UBR2: variants seen among roughly 807,000 people sequenced by gnomAD.
UBR2 encodes ubiquitin protein ligase E3 component n-recognin 2, also known as E3 ubiquitin-protein ligase UBR2.
UBR2 carries 92 observed loss-of-function variants against 247.9 expected under a neutral mutation model. That is an observed-to-expected ratio of 0.37 (90% CI 0.31 to 0.44). The LOEUF (loss-of-function observed/expected upper bound fraction) is 0.44. Among genes scored for constraint, UBR2 ranks in the 20% least tolerant of loss-of-function variants. The pLI is 1.00. For missense variants in UBR2, 1,613 were observed against 2,112.6 expected (o/e 0.76, Z 4.64); for synonymous variants, 672 against 693.5 (o/e 0.97, Z 0.49).
intron 38 of UBR2, 74 bp downstream of exon 38, chr6:42,674,267 A>G: frequency 1.5e-6 from 2 of 1,355,012 alleles, no homozygotes; most frequent in Non-Finnish European, 1.0e-6. Context: ...TGAGCAGTGT[A>G]GTGGCAGACA....
chr6:42,581,106 C>T (rs1791865750), intron 2 of UBR2, among the ~76,000 whole-genome samples: 2 of 149,242 alleles, frequency 1.3e-5, no homozygotes, highest in African/African-American at 5.0e-5. Flanking sequence ...CTCAACTTCC[C>T]AGGTTCAACC....
At chr6:42,665,806 C>T (rs534375120) in intron 33 of UBR2, among the ~76,000 whole-genome samples, 2 of 152,144 alleles carry the variant, frequency 1.3e-5, no homozygotes, top group Non-Finnish European at 2.9e-5. Flanking sequence ...CTTTAGTTCT[C>T]GGTGGGCTAA....
At chr6:42,686,567 C>T (rs659154) in intron 44 of UBR2, among the ~76,000 whole-genome samples, 140,499 of 152,334 alleles carry the variant, frequency 0.92, 64,897 homozygotes, top group East Asian at 1. Context: ...ATCGTCATCA[C>T]GGCCTGTTGT....
intron 23 of UBR2, among the ~76,000 whole-genome samples, 154 bp from the exon 24 acceptor site, chr6:42,651,869 T>C (rs1254787324): frequency 1.3e-5 from 2 of 152,094 alleles, no homozygotes; most frequent in Admixed American, 6.6e-5. Context: ...CCCAGCACTT[T>C]GGGAGGTTGA....
At chr6:42,665,144 TATG>T (rs1211756455) in intron 32 of UBR2, among the ~76,000 whole-genome samples, 12 of 152,222 alleles carry the variant, frequency 7.9e-5, no homozygotes, top group Admixed American at 2.6e-4. Context: ...TGATGGTGAT[TATG>T]ATACTTAAGA....
At chr6:42,598,748 C>T (rs1793165882) in intron 4 of UBR2, among the ~76,000 whole-genome samples, 1 of 152,020 alleles carries the variant, frequency 6.6e-6, no homozygotes, top group African/African-American at 2.4e-5. Flanking sequence ...GATTGTGTTT[C>T]CTTTTGTTGA....
intron 2 of UBR2, among the ~76,000 whole-genome samples, chr6:42,579,808 G>A (rs1420105830): frequency 6.6e-6 from 1 of 152,132 alleles, no homozygotes; most frequent in Non-Finnish European, 1.5e-5. Context: ...GCACCTGGCT[G>A]GCATGTGTGA....
At chr6:42,631,860 T>TTATATATATA (rs59218885) in intron 11 of UBR2, among the ~76,000 whole-genome samples, 7 of 61,504 alleles carry the variant, frequency 1.1e-4, no homozygotes, top group Admixed American at 3.9e-4. Flanking sequence ...TACTCTGATT[T>TTATATATATA]TATATATATA....
intron 11 of UBR2, among the ~76,000 whole-genome samples, chr6:42,626,226 T>C (rs2151946864): frequency 6.6e-6 from 1 of 152,344 alleles, no homozygotes; most frequent in East Asian, 1.9e-4. Context: ...CCAATGTAAT[T>C]TCTTTATAGA....
chr6:42,623,310 G>A (rs1795119579), intron 11 of UBR2, among the ~76,000 whole-genome samples: 1 of 152,172 alleles, frequency 6.6e-6, no homozygotes, highest in South Asian at 2.1e-4. Flanking sequence ...TAAGATGGTA[G>A]TGTTGTTTAA....
Position 42,659,391 on chromosome 6 carries a change from CTCAGGAGGCTGAG to C in UBR2, c.3243-257_3243-245del, listed in dbSNP as rs1035614549. Among the ~76,000 whole-genome samples the C allele has an allele frequency of 3.3e-4, 50 of 151,872 alleles. No homozygotes were observed. The highest frequency in any genetic ancestry group is 1.1e-3 in the African/African-American group (46 of 41,426). On this transcript the variant is annotated intron_variant, in intron 29 of 46. Transcript: ENST00000372901. The surrounding 1 kb of genome is among the most constrained non-coding windows in gnomAD (Gnocchi z 4.3). ...TGGTGCATGCCTATAATCCCAGCTA[CTCAGGAGGCTGAG>C]TCAGGAGAATTGCTTGAACCTGCGA...
chr6:42,619,559 G>A, intron 11 of UBR2: 1 of 221,612 alleles, frequency 4.5e-6, no homozygotes, highest in Non-Finnish European at 8.6e-6. Flanking sequence ...GACCAGCCTG[G>A]CCAACATGGT....
At chr6:42,643,382 C>A (rs6926182) in intron 18 of UBR2, among the ~76,000 whole-genome samples, 18 of 152,098 alleles carry the variant, frequency 1.2e-4, no homozygotes, top group African/African-American at 4.3e-4. Flanking sequence ...GATCACCTGA[C>A]GTCAGGAGTT....
At chr6:42,656,197 A>C (rs1268666271) in intron 26 of UBR2, among the ~76,000 whole-genome samples, 1 of 152,238 alleles carries the variant, frequency 6.6e-6, no homozygotes, top group African/African-American at 2.4e-5. Context: ...TTTGTTGTAG[A>C]CATAATATTT....
intron 41 of UBR2, among the ~76,000 whole-genome samples, 154 bp downstream of exon 41, chr6:42,678,823 T>C (rs1562395551): frequency 6.6e-6 from 1 of 152,220 alleles, no homozygotes; most frequent in Non-Finnish European, 1.5e-5. Context: ...AAAATGTATG[T>C]TTATGCATAT....
In UBR2 at chr6:42,625,877, G is replaced by A. The variant is rs1206092127; in HGVS notation, c.1282-6675G>A. On this transcript the variant is annotated intron_variant, in intron 11 of 46. Coordinates refer to ENST00000372901, the MANE Select transcript of UBR2 (RefSeq NM_001363705.2). ...CGCCCAGGTTGGAGTGCAGTGGTGC[G>A]ATCTCGGCTCACTGCATGCTCCGCC... Among the ~76,000 whole-genome samples, 7 of 149,636 alleles carry A rather than the reference G, an allele frequency of 4.7e-5. 1 individual carries two copies. Among genetic ancestry groups the A allele is most frequent in the South Asian group, 4.2e-4 (2 of 4,720 alleles).
chr6:42,687,707 A>G (rs892981851), intron 44 of UBR2, among the ~76,000 whole-genome samples: 2 of 151,764 alleles, frequency 1.3e-5, no homozygotes, highest in Admixed American at 6.6e-5. Flanking sequence ...TGCCTGGCTA[A>G]TTTTTGTATT....
intron 10 of UBR2, 66 bp downstream of exon 10, chr6:42,616,156 G>T: frequency 9.0e-7 from 1 of 1,113,918 alleles, no homozygotes; most frequent in East Asian, 2.6e-5. Flanking sequence ...ATTATATCTA[G>T]GCTTCAAAAA....
intron 42 of UBR2, among the ~76,000 whole-genome samples, chr6:42,682,202 G>A (rs1582727397): frequency 6.6e-6 from 1 of 152,152 alleles, no homozygotes; most frequent in African/African-American, 2.4e-5. Flanking sequence ...GAGGTACCTA[G>A]AGTAGTCAAA....
Sources: gnomAD v4.1 joint callset for allele counts (sites outside exome capture counted in the v4.1 genomes callset) on GRCh38, gnomAD v4.1.1 for gene constraint, Gnocchi (gnomAD v3.1) non-coding constraint, MANE v1.5 for transcripts, NCBI Gene and HGNC (gene_info 2026-07-23, HGNC 2026-07-21) for gene names.